PARVB: variants seen among roughly 807,000 people sequenced by gnomAD.
PARVB encodes parvin beta, also known as beta-parvin.
In PARVB, 46 loss-of-function variants were observed where a neutral mutation model predicts 47.0. The ratio of observed to expected loss-of-function variants is 0.98; its 90% CI spans 0.77 to 1.25. The LOEUF (loss-of-function observed/expected upper bound fraction) is 1.25, where lower values mean the gene tolerates loss of function less well. Among genes scored for constraint, PARVB ranks in the 50% most tolerant of loss-of-function variants. PARVB has a pLI of 0.00. For synonymous variants in PARVB, 196 were observed against 196.3 expected (o/e 1.00, Z 0.01); for missense variants, 473 against 471.6 (o/e 1.00, Z -0.03).
At chr22:44,087,628 A>G (rs574847131) in intron 1 of PARVB, among the ~76,000 whole-genome samples, 9 of 151,812 alleles carry the variant, frequency 5.9e-5, no homozygotes, top group Non-Finnish European at 8.8e-5. Context: ...CAAAAGGGGG[A>G]AAAAAAGCTG....
chr22:44,100,560 C>T lies in PARVB; in HGVS notation c.273+437C>T, dbSNP rs374492737. Among the ~76,000 whole-genome samples the T allele has an allele frequency of 1.7e-3, 262 of 152,238 alleles. 1 individual carries two copies. Among genetic ancestry groups the T allele is most frequent in the African/African-American group, 6.0e-3 (249 of 41,534 alleles). The stretch of plus-strand genomic sequence containing the variant: ...AGGAGCCATCTGATGCCGATGCCTG[C>T]GCTGAGTGGACAGTCAGTTTCCACC... On this transcript the variant is annotated intron_variant, in intron 3 of 12. Transcript: ENST00000338758.
At chr22:44,033,018 A>G (rs2050851969) in intron 1 of PARVB, among the ~76,000 whole-genome samples, 1 of 152,150 alleles carries the variant, frequency 6.6e-6, no homozygotes, top group African/African-American at 2.4e-5. Flanking sequence ...TGAATCGTTT[A>G]AGATATTGCA....
chr22:44,117,778 T>C (rs2267611), intron 3 of PARVB, among the ~76,000 whole-genome samples: 49,948 of 152,034 alleles, frequency 0.33, 8,660 homozygotes, highest in African/African-American at 0.44. Flanking sequence ...TGTTCATCTC[T>C]GAGAGGGGCC....
intron 10 of PARVB, among the ~76,000 whole-genome samples, chr22:44,154,284 G>A (rs1300139593): frequency 6.6e-6 from 1 of 152,220 alleles, no homozygotes; most frequent in Non-Finnish European, 1.5e-5. Context: ...AAGGTCGCTG[G>A]TTACAGAAAT....
rs180905932 is a variant in PARVB at position 44,016,159 on chromosome 22, T to G, written c.211+16486T>G. On this transcript the variant is annotated intron_variant, in intron 2 of 13. Transcript: ENST00000406477. ...TCGCCCAGGCTGGAGTGCAGTGGCGTGATCTCGGCTCACTGCAAGCTCCAC... is the reference window on the plus strand; with the variant it reads ...TCGCCCAGGCTGGAGTGCAGTGGCGGGATCTCGGCTCACTGCAAGCTCCAC... Among the ~76,000 whole-genome samples the G allele has an allele frequency of 2.7e-5, 4 of 148,280 alleles. No individual in the cohort carries two copies. In the South Asian group the frequency reaches 6.4e-4, roughly 24 times the overall value.
chr22:44,167,754 AGCCCAC>A (rs1196236549), intron 12 of PARVB, among the ~76,000 whole-genome samples: 80 of 115,242 alleles, frequency 6.9e-4, no homozygotes, highest in African/African-American at 2.4e-3. Flanking sequence ...TGTGTCCCCA[AGCCCAC>A]CGAGCTGAGT....
At chr22:44,147,759 G>T (rs774988513) in intron 8 of PARVB, 102 bp from the exon 9 acceptor site, 155 of 923,042 alleles carry the variant, frequency 1.7e-4, no homozygotes, top group Non-Finnish European at 1.3e-4. Context: ...GGGAGTTGAG[G>T]CTGAACCTCC....
chr22:44,021,748 AAAGTCTAGACTCACACAC>A (rs1252500721), upstream of PARVB, among the ~76,000 whole-genome samples: 53 of 140,420 alleles, frequency 3.8e-4, no homozygotes, highest in African/African-American at 1.3e-3. Context: ...GTGTCCCTGT[AAAGTCTAGACTCACACAC>A]ACACACACAC....
chr22:44,047,651 A>C (rs949067893), intron 1 of PARVB, among the ~76,000 whole-genome samples: 1 of 151,998 alleles, frequency 6.6e-6, no homozygotes, highest in African/African-American at 2.4e-5. Context: ...ACTGAGCCAG[A>C]CTCCATCTAA....
intron 3 of PARVB, chr22:44,112,691 C>A (rs2052730103): frequency 1.5e-5 from 1 of 65,078 alleles, no homozygotes; most frequent in Non-Finnish European, 2.9e-5. Context: ...AACACGGATA[C>A]ATTGTTACTA....
At chr22:44,118,930 G>A (rs1217599355) in intron 3 of PARVB, 108 bp from the exon 4 acceptor site, 9 of 772,732 alleles carry the variant, frequency 1.2e-5, no homozygotes, top group Admixed American at 5.7e-5. Context: ...CTGTGGTCCC[G>A]GTGGTGGCTG....
chr22:44,070,999 C>G (rs1428482922), intron 1 of PARVB, among the ~76,000 whole-genome samples: 1 of 146,840 alleles, frequency 6.8e-6, no homozygotes. Flanking sequence ...GGCCCCTGCC[C>G]GCCCGCCTTG....
chr22:44,001,992 G>A (rs1370584485), intron 2 of PARVB, among the ~76,000 whole-genome samples: 3 of 108,132 alleles, frequency 2.8e-5, no homozygotes, highest in East Asian at 3.7e-4. Context: ...ATTCATGAGC[G>A]AAACTGGCAT....
chr22:44,059,694 C>T (rs745757415), intron 1 of PARVB, among the ~76,000 whole-genome samples: 13 of 152,194 alleles, frequency 8.5e-5, no homozygotes, highest in Non-Finnish European at 1.8e-4. Context: ...TCAGGTGTCA[C>T]GTACGTGGTG....
At chr22:44,047,972 G>T (rs1424472021) in intron 1 of PARVB, among the ~76,000 whole-genome samples, 1 of 152,202 alleles carries the variant, frequency 6.6e-6, no homozygotes, top group African/African-American at 2.4e-5. Context: ...GCTGGATGGT[G>T]TGGGAACCCC....
rs145672874 is a variant in PARVB, at chr22:44,137,467, G to A, written c.692+949G>A. Among the ~76,000 whole-genome samples the A allele has an allele frequency of 2.5e-4, 38 of 152,318 alleles. 1 individual carries two copies. Among genetic ancestry groups the A allele is most frequent in the African/African-American group, 9.1e-4 (38 of 41,580 alleles). On this transcript the variant is annotated intron_variant, in intron 7 of 12. Transcript: ENST00000338758. ...AGAAGGGCTGCTCGTGGGGAACTGG[G>A]ATTGGGCTGGTGTCTTAGTTGTTTA...
At chr22:44,008,406 G>A (rs547573234) in intron 2 of PARVB, among the ~76,000 whole-genome samples, 6 of 152,088 alleles carry the variant, frequency 3.9e-5, no homozygotes, top group East Asian at 1.9e-4. Context: ...CACCACGCGC[G>A]GTCTAGAGAC....
Position 44,133,114 on chromosome 22 carries a change from C to T in PARVB, c.633+105C>T. ...CCCCTCCTTTTTTCCCCCCAGGAGG[C>T]TACCTTCTATTTTTCCCTTTTGACA... On this transcript the variant is annotated intron_variant, in intron 6 of 12. Transcript: ENST00000338758. 7.8e-6 allele frequency: 5 copies of T among 644,842 alleles called. No homozygotes were observed. In the South Asian group the frequency reaches 1.0e-4, roughly 13 times the overall value. The allele number at this position is 644,842 out of a possible 1,614,324, so 39.9% of individuals were successfully genotyped here.
At chr22:44,052,719 G>C (rs1241094032) in intron 1 of PARVB, among the ~76,000 whole-genome samples, 1 of 152,180 alleles carries the variant, frequency 6.6e-6, no homozygotes. Context: ...GAGGCAGGCG[G>C]ATTGCTTGAG....
Sources: allele counts gnomAD v4.1 joint callset (sites outside exome capture counted in the v4.1 genomes callset), GRCh38; gene constraint gnomAD v4.1.1; transcripts MANE v1.5; gene names NCBI Gene and HGNC (gene_info 2026-07-23, HGNC 2026-07-21).